The following RP1 variants were observed in gnomAD, a reference collection of about 807,000 sequenced individuals.
The protein encoded by RP1 is RP1 axonemal microtubule associated.
RP1 carries 16 observed loss-of-function variants against 14.8 expected under a neutral mutation model. The ratio of observed to expected loss-of-function variants is 1.08; its 90% confidence interval spans 0.73 to 1.65. The LOEUF is 1.65. Ranked by LOEUF, RP1 falls within the 40% of genes most tolerant of loss-of-function variation. The pLI is 0.00. For missense variants in RP1, 2,631 were observed against 2,535.0 expected (o/e 1.04, Z -0.81); for synonymous variants, 876 against 883.6 (o/e 0.99, Z 0.15).
intron 21 of RP1, chr8:54,758,820 G>C (rs915657930): frequency 1.3e-5 from 16 of 1,216,466 alleles, no homozygotes; most frequent in Middle Eastern, 2.7e-4. Context: ...TTAAAGTATT[G>C]TGCTGCTTCT....
intron 12 of RP1, among the ~76,000 whole-genome samples, chr8:54,684,014 A>G (rs1172734748): frequency 8.2e-6 from 1 of 121,364 alleles, no homozygotes; most frequent in African/African-American, 3.3e-5. Context: ...TTTTTTTTTT[A>G]ACATGAAGGG....
At chr8:54,859,008 G>T (rs929363371) in intron 27 of RP1, among the ~76,000 whole-genome samples, 1 of 151,970 alleles carries the variant, frequency 6.6e-6, no homozygotes. Flanking sequence ...ACTGTAGACT[G>T]GTGTCACTGT....
At chr8:54,563,559 G>A (rs1804333621) in intron 1 of RP1, among the ~76,000 whole-genome samples, 1 of 151,712 alleles carries the variant, frequency 6.6e-6, no homozygotes, top group South Asian at 2.1e-4. Context: ...TTGTTTGTTT[G>A]TTTGTTTGCG....
At chr8:54,793,511 G>A (rs1004982752) in intron 24 of RP1, among the ~76,000 whole-genome samples, 2 of 151,902 alleles carry the variant, frequency 1.3e-5, no homozygotes, top group African/African-American at 4.8e-5. Context: ...TGGAGTGCAA[G>A]GATGGTTCAA....
At chr8:54,568,166 C>G (rs1028048744) in intron 1 of RP1, among the ~76,000 whole-genome samples, 1 of 152,126 alleles carries the variant, frequency 6.6e-6, no homozygotes, top group Non-Finnish European at 1.5e-5. Flanking sequence ...GGGGACCCCT[C>G]TTTATTCATG....
At position 54,697,062 on chromosome 8, in the gene RP1, T is replaced by G. The variant is rs189654136; in HGVS notation, c.1718-2405T>G. On this transcript the variant is annotated intron_variant, in intron 12 of 22. Coordinates refer to the RP1 transcript ENST00000636932. ...GCCCGTCACGCTACCAAAAATAGAG[T>G]GGGCTTCCTCAAGGAGATGGGCACA... 15,219 of 1,572,112 alleles carry G rather than the reference T, an allele frequency of 9.7e-3. 87 individuals carry two copies. Among genetic ancestry groups the G allele is most frequent in the Non-Finnish European group, 0.012 (14,147 of 1,158,408 alleles).
intron 19 of RP1, among the ~76,000 whole-genome samples, chr8:54,745,463 A>G (rs1203631959): frequency 6.6e-6 from 1 of 152,220 alleles, no homozygotes; most frequent in Non-Finnish European, 1.5e-5. Flanking sequence ...AAAGTAATCC[A>G]GGAATTTTAA....
At chr8:54,634,443 T>A (rs1806309488), downstream of RP1, among the ~76,000 whole-genome samples, 1 of 152,224 alleles carries the variant, frequency 6.6e-6, no homozygotes, top group Non-Finnish European at 1.5e-5. Flanking sequence ...TCTGTGTTTT[T>A]ACAATTTGCA....
chr8:54,679,167 T>C (rs1170857642), intron 9 of RP1, among the ~76,000 whole-genome samples: 1 of 152,184 alleles, frequency 6.6e-6, no homozygotes, highest in African/African-American at 2.4e-5. Flanking sequence ...GCTGATTGAG[T>C]AACTCACCTG....
intron 14 of RP1, among the ~76,000 whole-genome samples, chr8:54,705,808 T>C (rs1808136885): frequency 1.4e-5 from 2 of 141,780 alleles, no homozygotes; most frequent in Non-Finnish European, 3.0e-5. Flanking sequence ...GGAACAGATA[T>C]CCAATTTTAG....
chr8:54,835,462 C>G (rs570463999), intron 24 of RP1, among the ~76,000 whole-genome samples: 1 of 152,252 alleles, frequency 6.6e-6, no homozygotes, highest in South Asian at 2.1e-4. Context: ...CAGGGTTTAT[C>G]AATTTTAATT....
At chr8:54,592,265 T>C (rs1368176734) in intron 1 of RP1, among the ~76,000 whole-genome samples, 1 of 152,210 alleles carries the variant, frequency 6.6e-6, no homozygotes, top group East Asian at 1.9e-4. Flanking sequence ...CACAGGTACT[T>C]GTGCAATTTG....
At chr8:54,846,135 T>C (rs1306027456) in intron 25 of RP1, among the ~76,000 whole-genome samples, 2 of 152,176 alleles carry the variant, frequency 1.3e-5, no homozygotes, top group African/African-American at 4.8e-5. Context: ...AAGAAGAATA[T>C]GAGATGACCG....
intron 24 of RP1, among the ~76,000 whole-genome samples, chr8:54,824,386 T>C (rs1322053214): frequency 6.6e-6 from 1 of 152,210 alleles, no homozygotes; most frequent in Non-Finnish European, 1.5e-5. Context: ...ATAATTTGAA[T>C]AACCCTATAA....
chr8:54,697,119 T>C (rs770344550), intron 12 of RP1: 6 of 1,439,486 alleles, frequency 4.2e-6, no homozygotes, highest in Non-Finnish European at 5.8e-6. Flanking sequence ...ATCAATCAGC[T>C]CATCTAGACC....
chr8:54,816,903 T>C (rs1489487955), intron 24 of RP1, among the ~76,000 whole-genome samples: 1 of 152,068 alleles, frequency 6.6e-6, no homozygotes, highest in Non-Finnish European at 1.5e-5. Flanking sequence ...CCACTGTAGG[T>C]CCTTGAAATG....
rs114006137 is a variant in RP1 at position 54,839,299 on chromosome 8, G to A, written c.3835+1630G>A. ...CTTCTTTCCTGCCTAGAGCCCCAGT[G>A]CTCCATTAGGTGTTTACCATCCCAT... On this transcript the variant is annotated intron_variant, in intron 25 of 28. Coordinates refer to the RP1 transcript ENST00000637698. Among the ~76,000 whole-genome samples the A allele has an allele frequency of 4.9e-3, 745 of 152,194 alleles. 6 individuals carry two copies. Among genetic ancestry groups the A allele is most frequent in the African/African-American group, 0.017 (700 of 41,520 alleles).
At chr8:54,826,028 C>T (rs1484482804) in intron 24 of RP1, among the ~76,000 whole-genome samples, 1 of 152,088 alleles carries the variant, frequency 6.6e-6, no homozygotes, top group African/African-American at 2.4e-5. Flanking sequence ...GGATTGTAAC[C>T]ACTGCACTCC....
rs536078204 is a variant in RP1, at chr8:54,663,910, G to A, written c.1323+60G>A. 7 of 1,395,338 alleles carry A rather than the reference G, an allele frequency of 5.0e-6. No individual in the cohort carries two copies. The African/African-American group carries it at 8.8e-5, about 18-fold the overall frequency. 86.4% of individuals were successfully genotyped at this position (1,395,338 alleles called of 1,614,324 possible). ...ATCATGGTAAAAACACATAAAATAA[G>A]ATTTACTGTTGTAACTATTCTAAGA... On this transcript the variant is annotated intron_variant, in intron 7 of 22. Transcript: ENST00000636932.
Sources: allele counts gnomAD v4.1 joint callset (sites outside exome capture counted in the v4.1 genomes callset), GRCh38; gene constraint gnomAD v4.1.1; transcripts MANE v1.5; gene names NCBI Gene and HGNC (gene_info 2026-07-23, HGNC 2026-07-21).